The following NALF1 variants were observed in gnomAD, a reference collection of about 807,000 sequenced individuals.
NALF1 encodes the protein family with sequence similarity 155 member A.
A neutral mutation model predicts 48.4 loss-of-function variants in NALF1; 3 were observed. That is an observed-to-expected ratio of 0.06 (90% CI 0.03 to 0.16). The LOEUF (loss-of-function observed/expected upper bound fraction) is 0.16, where lower values mean the gene tolerates loss of function less well. Among genes scored for constraint, NALF1 ranks in the 10% least tolerant of loss-of-function variants. The pLI is 1.00. For synonymous variants in NALF1, 262 were observed against 245.7 expected, an observed-to-expected ratio of 1.07 and a Z score of -0.62; for missense variants, 526 against 571.5, an observed-to-expected ratio of 0.92 and a Z score of 0.81.
intron 1 of NALF1, among the ~76,000 whole-genome samples, chr13:107,645,972 G>A (rs1250743875): frequency 6.6e-6 from 1 of 152,048 alleles, no homozygotes; most frequent in African/African-American, 2.4e-5. Flanking sequence ...CTGAGTTCTG[G>A]GAGTTCTTGG....
intron 1 of NALF1, among the ~76,000 whole-genome samples, chr13:107,657,165 T>A (rs988797784): frequency 1.5e-5 from 2 of 136,364 alleles, no homozygotes; most frequent in African/African-American, 5.0e-5. Context: ...CAAAAACCTA[T>A]TGAAATAAAA....
At chr13:107,470,964 C>CA (rs1158065857) in intron 1 of NALF1, among the ~76,000 whole-genome samples, 6 of 151,972 alleles carry the variant, frequency 3.9e-5, no homozygotes, top group Non-Finnish European at 8.8e-5. Context: ...AAATGAAGGC[C>CA]AAAAAACTGG....
intron 1 of NALF1, among the ~76,000 whole-genome samples, chr13:107,403,332 G>C (rs970289759): frequency 1.3e-5 from 2 of 149,900 alleles, no homozygotes; most frequent in Non-Finnish European, 3.0e-5. Flanking sequence ...TGGTTGCCTG[G>C]TATGCAGCTC....
At chr13:107,784,284 G>A (rs1878008882) in intron 1 of NALF1, among the ~76,000 whole-genome samples, 1 of 152,168 alleles carries the variant, frequency 6.6e-6, no homozygotes, top group South Asian at 2.1e-4. Flanking sequence ...GTGAAAGCAT[G>A]GAAACCGCAT....
intron 1 of NALF1, among the ~76,000 whole-genome samples, chr13:107,358,368 A>G (rs1883000676): frequency 6.6e-6 from 1 of 152,214 alleles, no homozygotes; most frequent in East Asian, 1.9e-4. Flanking sequence ...TACAAAAAGT[A>G]CTTGAGCTTC....
At position 107,538,687 on chromosome 13, in the gene NALF1, A is replaced by G. The variant is rs1367007848; in HGVS notation, c.915+326995T>C. On this transcript the variant is annotated intron_variant, in intron 1 of 2. Coordinates refer to ENST00000375915, the MANE Select transcript of NALF1 (RefSeq NM_001080396.3). Reference sequence around the variant, plus strand: ...TATATCTCAAGATTCTGTCATTGGAATCAGACCTCAGTTCAAACACTGATT... The same window carrying G: ...TATATCTCAAGATTCTGTCATTGGAGTCAGACCTCAGTTCAAACACTGATT... 9.9e-5 allele frequency among the ~76,000 whole-genome samples: 15 copies of G among 152,164 alleles called. No homozygotes were observed. In the East Asian group the frequency reaches 2.9e-3, roughly 29 times the overall value.
chr13:107,804,714 T>G (rs1878723096), intron 1 of NALF1, among the ~76,000 whole-genome samples: 1 of 152,150 alleles, frequency 6.6e-6, no homozygotes. Flanking sequence ...TATCAGCCAT[T>G]TTGAAAGATA....
In NALF1 at chr13:107,866,121, C is replaced by T. The variant is rs763557924; in HGVS notation, c.476G>A (p.Gly159Glu). 1 of 1,612,528 alleles carries T rather than the reference C, an allele frequency of 6.2e-7. No homozygotes were observed. Among genetic ancestry groups the T allele is most frequent in the Non-Finnish European group, 8.5e-7 (1 of 1,179,778 alleles). Residue 159 changes from glycine (G) to glutamate (E), a missense_variant, in exon 1 of 3, where the codon GGA becomes GAA. By Grantham distance (98) the Gly-to-Glu change is moderately conservative. Transcript: ENST00000375915. This position sits in a 1 kb window ranked among gnomAD's most constrained non-coding sequence, Gnocchi z 4.4. ...KDDRGKALFL[G>E]NSAKPVWRLE... is the part of the protein sequence containing the mutation. ...GCGCCACACGGGCTTGGCAGAGTTT[C>T]CTAGAAAAAGAGCCTTGCCCCGGTC...
At chr13:107,815,125 T>C (rs1370063194) in intron 1 of NALF1, among the ~76,000 whole-genome samples, 1 of 151,960 alleles carries the variant, frequency 6.6e-6, no homozygotes, top group Non-Finnish European at 1.5e-5. Context: ...ACTCCAAAAG[T>C]CCAAGTAATA....
At chr13:107,431,696 A>G (rs918269088) in intron 1 of NALF1, among the ~76,000 whole-genome samples, 1 of 152,136 alleles carries the variant, frequency 6.6e-6, no homozygotes, top group African/African-American at 2.4e-5. Context: ...ATGTATCTCA[A>G]ATATAAGTCA....
chr13:107,769,614 A>T (rs539538344), intron 1 of NALF1, among the ~76,000 whole-genome samples: 1 of 151,332 alleles, frequency 6.6e-6, no homozygotes, highest in Non-Finnish European at 1.5e-5. Flanking sequence ...TGGGTTCAGT[A>T]CACCAGCATG....
At chr13:107,239,415 C>G (rs767218109) in intron 1 of NALF1, among the ~76,000 whole-genome samples, 28 of 152,158 alleles carry the variant, frequency 1.8e-4, no homozygotes, top group Non-Finnish European at 3.5e-4. Context: ...ACGTTTGTGT[C>G]CTCACATGGC....
At chr13:107,314,403 C>T (rs962452582) in intron 1 of NALF1, among the ~76,000 whole-genome samples, 1 of 152,092 alleles carries the variant, frequency 6.6e-6, no homozygotes, top group Non-Finnish European at 1.5e-5. Context: ...CTTAGCCCTT[C>T]TTAGTTTTAT....
chr13:107,324,998 A>G (rs1293716718), intron 1 of NALF1, among the ~76,000 whole-genome samples: 2 of 152,238 alleles, frequency 1.3e-5, no homozygotes, highest in African/African-American at 4.8e-5. Context: ...GAAGAAACTG[A>G]ATCAATTGTA....
chr13:107,253,768 C>T (rs189569038), intron 1 of NALF1, among the ~76,000 whole-genome samples: 2 of 152,212 alleles, frequency 1.3e-5, no homozygotes, highest in East Asian at 3.9e-4. Flanking sequence ...TACCTTTGTG[C>T]ATGCCACCCT....
chr13:107,262,068 T>C (rs1375065330), intron 1 of NALF1, among the ~76,000 whole-genome samples: 1 of 152,110 alleles, frequency 6.6e-6, no homozygotes, highest in African/African-American at 2.4e-5. Flanking sequence ...AATGAATAAA[T>C]AAAATTCAGC....
chr13:107,270,662 T>C (rs1034436334), intron 1 of NALF1, among the ~76,000 whole-genome samples: 3 of 97,724 alleles, frequency 3.1e-5, no homozygotes, highest in Non-Finnish European at 8.4e-5. Flanking sequence ...TATATATATA[T>C]ATATTTTTAT....
intron 1 of NALF1, among the ~76,000 whole-genome samples, chr13:107,847,673 G>A (rs1039580837): frequency 8.5e-5 from 13 of 152,138 alleles, no homozygotes; most frequent in African/African-American, 2.9e-4. Flanking sequence ...TCAACAGCTC[G>A]CAGGGAGCAG....
At chr13:107,776,486 AC>A (rs1877732995) in intron 1 of NALF1, among the ~76,000 whole-genome samples, 1 of 152,194 alleles carries the variant, frequency 6.6e-6, no homozygotes, top group Admixed American at 6.5e-5. Context: ...TACCAGCATG[AC>A]AACGCGGTGA....
Sources: allele counts gnomAD v4.1 joint callset (sites outside exome capture counted in the v4.1 genomes callset), GRCh38; gene constraint gnomAD v4.1.1; non-coding constraint Gnocchi (gnomAD v3.1); transcripts MANE v1.5; gene names NCBI Gene and HGNC (gene_info 2026-07-23, HGNC 2026-07-21).